GSN: variants seen among roughly 807,000 people sequenced by gnomAD.
GSN encodes actin-depolymerizing factor.
A neutral mutation model predicts 85.7 loss-of-function variants in GSN; 56 were observed. The observed-to-expected ratio is 0.65, with a 90% CI of 0.53 to 0.82. The LOEUF (loss-of-function observed/expected upper bound fraction) is 0.82, where lower values mean the gene tolerates loss of function less well. Ranked by LOEUF, GSN falls within the 40% of genes least tolerant of loss-of-function variation. The pLI is 0.00. For synonymous variants in GSN, 373 were observed against 399.1 expected (o/e 0.93, Z 0.78); for missense variants, 857 against 979.8 (o/e 0.87, Z 1.67).
At chr9:121,236,246 G>C (rs2054490459) in intron 5 of GSN, among the ~76,000 whole-genome samples, 2 of 152,092 alleles carry the variant, frequency 1.3e-5, no homozygotes, top group Non-Finnish European at 2.9e-5. Flanking sequence ...CCAAGACAGA[G>C]TCTTGCTGTG....
chr9:121,275,660 A>C lies in GSN; in HGVS notation c.-102-5810A>C, dbSNP rs1238409364. ...TGTTTCTCTTGGAAGGCAAGTTCCC[A>C]GTTCCAGTGGCAGCCAGAATTCTTT... On this transcript the variant is annotated intron_variant, in intron 1 of 17. Coordinates refer to ENST00000432226, the MANE Select transcript of GSN (RefSeq NM_198252.3). Among the ~76,000 whole-genome samples, 3 of 152,104 alleles carry C rather than the reference A, an allele frequency of 2.0e-5. No homozygotes were observed. In the East Asian group the frequency reaches 5.8e-4, roughly 29 times the overall value.
chr9:121,290,310 G>A (rs1288684563), intron 2 of GSN, among the ~76,000 whole-genome samples: 3 of 152,214 alleles, frequency 2.0e-5, no homozygotes, highest in Non-Finnish European at 4.4e-5. Flanking sequence ...GCTGGATCTT[G>A]TTTAAATCTT....
upstream of GSN, chr9:121,268,151 C>G (rs892048033): frequency 6.6e-6 from 1 of 151,896 alleles, no homozygotes; most frequent in Non-Finnish European, 1.5e-5. Context: ...AACGCCCCCG[C>G]CCCGCCGCCC....
rs1411083575 is a variant in GSN, at chr9:121,328,946, G to A, written c.1818G>A (p.Leu606=). ...CTGCCTACCGCACATCCCCACGGCT[G>A]AAGGACAAGAAGATGGATGCCCATC... ...GKAAYRTSPR[L]KDKKMDAHPP... is the part of the protein sequence containing the mutation. The change falls in exon 15 of 18, where the codon CTG becomes CTA. Residue 606 remains leucine, a synonymous_variant. Coordinates refer to ENST00000432226, the MANE Select transcript of GSN (RefSeq NM_198252.3). 9.9e-6 allele frequency: 16 copies of A among 1,613,798 alleles called. No homozygotes were observed. The highest frequency in any genetic ancestry group is 1.4e-5 in the Non-Finnish European group (16 of 1,180,038).
chr9:121,233,625 T>TA (rs1234459154), intron 5 of GSN, among the ~76,000 whole-genome samples: 2 of 152,072 alleles, frequency 1.3e-5, no homozygotes, highest in African/African-American at 2.4e-5. Flanking sequence ...TGCAACCTCG[T>TA]AAGAGACTCC....
intron 1 of GSN, among the ~76,000 whole-genome samples, chr9:121,276,917 T>G (rs2056752522): frequency 6.6e-6 from 1 of 152,024 alleles, no homozygotes; most frequent in South Asian, 2.1e-4. Context: ...GTTGTGCACA[T>G]GTACCCTAGA....
intron 4 of GSN, among the ~76,000 whole-genome samples, chr9:121,214,369 T>C (rs984964354): frequency 6.6e-6 from 1 of 152,176 alleles, no homozygotes; most frequent in African/African-American, 2.4e-5. Context: ...ATGTTAGTTC[T>C]ACATTTTAAA....
intron 2 of GSN, chr9:121,282,522 C>T (rs926823045): frequency 1.8e-5 from 22 of 1,253,490 alleles, no homozygotes; most frequent in Middle Eastern, 3.1e-4. Context: ...CACCCACAGC[C>T]GGAGCTGTTC....
chr9:121,299,742 C>A lies in GSN; in HGVS notation c.-9-2221C>A. On this transcript the variant is annotated intron_variant, in intron 2 of 17. Transcript: ENST00000432226. This position sits in a 1 kb window ranked among gnomAD's most constrained non-coding sequence, Gnocchi z 4.2. ...ATGTCTCCAAGATCCGAGACAGATC[C>A]CCGCCCCGCGCCCTCCCTGGGGGGC... is the stretch of plus-strand genomic sequence containing the variant. 1 of 1,112,530 alleles carries A rather than the reference C, an allele frequency of 9.0e-7. No homozygotes were observed. The highest frequency in any genetic ancestry group is 3.1e-5 in the South Asian group (1 of 32,520). The allele number at this position is 1,112,530 out of a possible 1,614,324, so 68.9% of individuals were successfully genotyped here.
intron 5 of GSN, among the ~76,000 whole-genome samples, chr9:121,236,123 G>A (rs2054487425): frequency 6.6e-6 from 1 of 152,120 alleles, no homozygotes; most frequent in African/African-American, 2.4e-5. Context: ...CTAGCACCTG[G>A]CAGCCACAGG....
chr9:121,254,246 G>A (rs547963355), intron 6 of GSN, among the ~76,000 whole-genome samples: 1 of 152,294 alleles, frequency 6.6e-6, no homozygotes, highest in African/African-American at 2.4e-5. Context: ...CTACAAAACA[G>A]CTCAGCTTTG....
chr9:121,278,918 T>C (rs1297686132), intron 1 of GSN, among the ~76,000 whole-genome samples: 1 of 152,226 alleles, frequency 6.6e-6, no homozygotes, highest in Non-Finnish European at 1.5e-5. Flanking sequence ...ATCTGCACTC[T>C]TTGCCGGCTC....
chr9:121,309,547 G>T (rs939492232), intron 4 of GSN: 3 of 152,266 alleles, frequency 2.0e-5, no homozygotes, highest in Non-Finnish European at 4.4e-5. Context: ...GAAAGCAGAA[G>T]GGTGGCATGG....
Position 121,312,463 on chromosome 9 carries a change from G to A in GSN, c.638G>A (p.Gly213Asp), listed in dbSNP as rs371320840. ...GCCCGAGTGCACGTGTCTGAGGAGG[G>A]CACTGAGCCCGAGGCGATGCTCCAG... is the stretch of plus-strand genomic sequence containing the variant. ...GRARVHVSEEGTEPEAMLQVL... is the reference protein window; with the variant it reads ...GRARVHVSEEDTEPEAMLQVL... The change falls in exon 6 of 18, where the codon GGC (glycine) becomes GAC (aspartate). Residue 213 changes from glycine to aspartate, a missense_variant. Physicochemically the swap from Gly to Asp is moderately conservative, Grantham distance 94. Transcript: ENST00000432226. The A allele has an allele frequency of 9.9e-6, 16 of 1,613,704 alleles. No individual in the cohort carries two copies. In the African/African-American group the frequency reaches 1.2e-4, roughly 12 times the overall value.
intron 6 of GSN, among the ~76,000 whole-genome samples, chr9:121,249,834 A>T (rs2054779328): frequency 6.6e-6 from 1 of 152,188 alleles, no homozygotes; most frequent in South Asian, 2.1e-4. Context: ...GAAATTAGGG[A>T]AAGAAAATGG....
chr9:121,223,333 A>T (rs942395205), intron 4 of GSN, among the ~76,000 whole-genome samples: 61 of 151,972 alleles, frequency 4.0e-4, no homozygotes, highest in Non-Finnish European at 1.6e-4. Context: ...TGCCCTGCTC[A>T]TGTCTGACTA....
At position 121,318,794 on chromosome 9, in the gene GSN, G is replaced by T; in HGVS notation, c.1105G>T (p.Val369Leu). 6.2e-7 allele frequency: 1 copy of T among 1,614,150 alleles called. No individual in the cohort carries two copies. Among genetic ancestry groups the T allele is most frequent in the Non-Finnish European group, 8.5e-7 (1 of 1,180,004 alleles). ...LSSHIANVERVPFDAATLHTS... is the reference protein window; with the variant it reads ...LSSHIANVERLPFDAATLHTS... Reference sequence around the variant, plus strand: ...CAGCCATATCGCCAACGTGGAGCGGGTGCCCTTCGACGCCGCCACCCTGCA... The same window carrying T: ...CAGCCATATCGCCAACGTGGAGCGGTTGCCCTTCGACGCCGCCACCCTGCA... Residue 369 changes from valine (V) to leucine (L), a missense_variant, in exon 10 of 18, where the codon GTG becomes TTG. Val to Leu is a conservative substitution (Grantham distance 32). Coordinates refer to ENST00000432226, the MANE Select transcript of GSN (RefSeq NM_198252.3). This position sits in a 1 kb window ranked among gnomAD's most constrained non-coding sequence, Gnocchi z 4.3.
chr9:121,255,604 G>C (rs2054938406), intron 6 of GSN, among the ~76,000 whole-genome samples: 1 of 152,094 alleles, frequency 6.6e-6, no homozygotes, highest in African/African-American at 2.4e-5. Context: ...TAAAAATATA[G>C]ATATAGCTTG....
At chr9:121,246,615 G>A (rs998852752) in intron 5 of GSN, among the ~76,000 whole-genome samples, 4 of 151,886 alleles carry the variant, frequency 2.6e-5, no homozygotes, top group African/African-American at 9.7e-5. Flanking sequence ...GACTCATGAA[G>A]AACATAGTTC....
Sources: gnomAD v4.1 joint callset for allele counts (sites outside exome capture counted in the v4.1 genomes callset) on GRCh38, gnomAD v4.1.1 for gene constraint, Gnocchi (gnomAD v3.1) non-coding constraint, MANE v1.5 for transcripts, NCBI Gene and HGNC (gene_info 2026-07-23, HGNC 2026-07-21) for gene names.